The following PTPRN2 variants were observed in gnomAD, a reference collection of about 807,000 sequenced individuals.
PTPRN2 encodes the protein protein tyrosine phosphatase receptor type N2.
PTPRN2 carries 74 observed loss-of-function variants against 118.8 expected under a neutral mutation model. That is an observed-to-expected ratio of 0.62 (90% CI 0.52 to 0.76). The LOEUF is 0.76. Ranked by LOEUF, PTPRN2 falls within the 30% of genes least tolerant of loss-of-function variation. The probability of loss-of-function intolerance (pLI) is 0.00; values close to 1 mark genes in which losing one functional copy is unlikely to be tolerated. For missense variants in PTPRN2, 1,481 were observed against 1,394.4 expected, an observed-to-expected ratio of 1.06 and a Z score of -0.99; for synonymous variants, 641 against 608.0, an observed-to-expected ratio of 1.05 and a Z score of -0.80.
At position 157,786,099 on chromosome 7, in the gene PTPRN2, A is replaced by C. The variant is rs541010524; in HGVS notation, c.1789-103162T>G. Among the ~76,000 whole-genome samples the C allele has an allele frequency of 1.8e-4, 28 of 152,282 alleles. No homozygotes were observed. The East Asian group carries it at 3.5e-3, about 19-fold the overall frequency. ...ACTCCGAGTGCGCGCCAAGGGCTTC[A>C]GCTGGCTGAGCGCTTTTGCTGTGGG... On this transcript the variant is annotated intron_variant, in intron 12 of 22. Transcript: ENST00000389418.
At chr7:157,678,797 A>G (rs1352545980) in intron 13 of PTPRN2, among the ~76,000 whole-genome samples, 3 of 152,216 alleles carry the variant, frequency 2.0e-5, no homozygotes, top group Non-Finnish European at 4.4e-5. Flanking sequence ...ATTCTGCAGG[A>G]GTCTCTGCCC....
chr7:158,309,607 G>T (rs548344781), intron 3 of PTPRN2, among the ~76,000 whole-genome samples: 1 of 152,114 alleles, frequency 6.6e-6, no homozygotes, highest in Non-Finnish European at 1.5e-5. Context: ...GATATCAAAA[G>T]ATTAAGAGAT....
In PTPRN2 at chr7:158,523,530, A is replaced by G. The variant is rs537386080; in HGVS notation, c.113-33745T>C. Among the ~76,000 whole-genome samples, 31 of 76,414 alleles carry G rather than the reference A, an allele frequency of 4.1e-4. 2 individuals carry two copies. The East Asian group carries it at 0.015, about 36-fold the overall frequency. 50.1% of individuals were successfully genotyped at this position (76,414 alleles called of 152,430 possible). A position where few individuals can be genotyped will look rare whatever the true frequency, so the allele number is the denominator to read the frequency against. ...AGTGGAGTCGTCTGCCCTGGAGCAG[A>G]GTCTGCCCTGGAATGGAGTCCTCTG... On this transcript the variant is annotated intron_variant, in intron 1 of 22. Transcript: ENST00000389418.
At chr7:158,081,511 C>T in intron 10 of PTPRN2, 134 bp from the exon 11 acceptor site, 2 of 752,140 alleles carry the variant, frequency 2.7e-6, no homozygotes. Flanking sequence ...CAGGCGTCGA[C>T]TCCACTGGAC....
intron 11 of PTPRN2, among the ~76,000 whole-genome samples, chr7:158,035,046 C>T (rs1260226193): frequency 1.3e-5 from 2 of 152,244 alleles, no homozygotes; most frequent in East Asian, 3.8e-4. Flanking sequence ...TTCTTTAAAA[C>T]TCCAAATCAG....
At chr7:158,584,591 TA>T (rs571129081) in intron 1 of PTPRN2, among the ~76,000 whole-genome samples, 26 of 152,184 alleles carry the variant, frequency 1.7e-4, no homozygotes, top group African/African-American at 5.5e-4. Context: ...ATTAATGCCA[TA>T]AGGGAGCCCT....
At position 158,496,950 on chromosome 7, in the gene PTPRN2, GCCTCTCCCTTCCCTGCGCCC is replaced by G. The variant is rs1191043895; in HGVS notation, c.113-7185_113-7166del. Among the ~76,000 whole-genome samples the G allele has an allele frequency of 6.1e-3, 10 of 1,646 alleles. 4 individuals carry two copies. Among genetic ancestry groups the G allele is most frequent in the Admixed American group, 0.015 (2 of 134 alleles). The allele number at this position is 1,646 out of a possible 152,430, so 1.1% of individuals were successfully genotyped here. On this transcript the variant is annotated intron_variant, in intron 1 of 22. Coordinates refer to ENST00000389418, the MANE Select transcript of PTPRN2 (RefSeq NM_002847.5). ...CCTGCACCCCCTCCCCTTCTCTGCA[GCCTCTCCCTTCCCTGCGCCC>G]CCTCCCCCTTCCCTGCGCCCCCTCC...
chr7:157,994,613 CAACTCCTGGTTCCTAAAATCAA>C, intron 11 of PTPRN2, among the ~76,000 whole-genome samples: 2 of 146,114 alleles, frequency 1.4e-5, no homozygotes, highest in African/African-American at 2.6e-5. Flanking sequence ...CCCCAGCTTA[CAACTCCTGGTTCCTAAAATCAA>C]CGCCGTGTCC....
chr7:158,372,928 C>T (rs1170726112), intron 2 of PTPRN2, among the ~76,000 whole-genome samples: 1 of 152,342 alleles, frequency 6.6e-6, no homozygotes, highest in East Asian at 1.9e-4. Context: ...CCCGACCTGA[C>T]AGCTTCCGGG....
intron 2 of PTPRN2, among the ~76,000 whole-genome samples, chr7:158,472,278 G>A (rs530901174): frequency 6.6e-6 from 1 of 152,298 alleles, no homozygotes; most frequent in South Asian, 2.1e-4. Context: ...TGAGCTGATT[G>A]GAGGAAGGAT....
intron 3 of PTPRN2, among the ~76,000 whole-genome samples, chr7:158,256,275 C>T (rs1797012400): frequency 6.6e-6 from 1 of 152,150 alleles, no homozygotes; most frequent in African/African-American, 2.4e-5. Context: ...GACTCAGAGT[C>T]TGATGCCGAC....
intron 2 of PTPRN2, among the ~76,000 whole-genome samples, chr7:158,426,321 A>T (rs866498948): frequency 3.1e-3 from 5 of 1,632 alleles, no homozygotes; most frequent in African/African-American, 0.012. Flanking sequence ...AGAGTCCGAG[A>T]CCAGCCTAGC....
intron 12 of PTPRN2, among the ~76,000 whole-genome samples, chr7:157,725,723 G>GC (rs1563042928): frequency 1.7e-4 from 9 of 54,088 alleles, no homozygotes; most frequent in African/African-American, 5.5e-4. Context: ...GCAGAGGAGT[G>GC]AGCCAGACCC....
At chr7:157,552,891 G>A (rs1383828796) in intron 21 of PTPRN2, among the ~76,000 whole-genome samples, 3 of 152,240 alleles carry the variant, frequency 2.0e-5, no homozygotes, top group African/African-American at 7.2e-5. Flanking sequence ...GGTCCAGTGA[G>A]GGTCCAGTGA....
intron 2 of PTPRN2, among the ~76,000 whole-genome samples, chr7:158,369,270 C>T (rs28539783): frequency 5.4e-4 from 57 of 105,936 alleles, no homozygotes; most frequent in East Asian, 2.6e-3. Flanking sequence ...TACACACATA[C>T]ACACACACAC....
chr7:157,649,293 G>A (rs56405231), intron 14 of PTPRN2, among the ~76,000 whole-genome samples: 6,761 of 81,844 alleles, frequency 0.083, 731 homozygotes, highest in African/African-American at 0.18. Flanking sequence ...CCCATCCAGC[G>A]TGCACTGAAC....
chr7:157,947,126 G>T lies in PTPRN2; in HGVS notation c.1724-48389C>A, dbSNP rs548478442. ...CAGAGCTGAAGGGAGGCACAGGGTG[G>T]GCAACTGGGATGTGGGCAGGATGCG... is the stretch of plus-strand genomic sequence containing the variant. On this transcript the variant is annotated intron_variant, in intron 11 of 22. Transcript: ENST00000389418. 1.5e-3 allele frequency among the ~76,000 whole-genome samples: 223 copies of T among 152,258 alleles called. 3 individuals carry two copies. Among genetic ancestry groups the T allele is most frequent in the African/African-American group, 5.0e-3 (207 of 41,546 alleles).
intron 11 of PTPRN2, among the ~76,000 whole-genome samples, chr7:157,899,196 G>C (rs892080224): frequency 2.6e-5 from 4 of 152,230 alleles, no homozygotes; most frequent in Non-Finnish European, 2.9e-5. Context: ...AGCACCGCCA[G>C]CTATTTTGCA....
intron 11 of PTPRN2, among the ~76,000 whole-genome samples, chr7:158,010,490 C>T (rs1805963369): frequency 6.6e-6 from 1 of 152,202 alleles, no homozygotes; most frequent in Non-Finnish European, 1.5e-5. Context: ...ACACCACTGA[C>T]CAGCTACTTC....
Sources: gnomAD v4.1 joint callset for allele counts (sites outside exome capture counted in the v4.1 genomes callset) on GRCh38, gnomAD v4.1.1 for gene constraint, MANE v1.5 for transcripts, NCBI Gene and HGNC (gene_info 2026-07-23, HGNC 2026-07-21) for gene names.